The following TBCK variants were observed in gnomAD, a reference collection of about 807,000 sequenced individuals.
TBCK encodes the protein TBC domain-containing protein kinase-like protein.
In TBCK, 99 loss-of-function variants were observed where a neutral mutation model predicts 113.4. The observed-to-expected ratio is 0.87, with a 90% CI of 0.74 to 1.03. The LOEUF (loss-of-function observed/expected upper bound fraction) is 1.03, where lower values mean the gene tolerates loss of function less well. Ranked by LOEUF, TBCK falls within the 50% of genes least tolerant of loss-of-function variation. TBCK has a pLI of 0.00. For missense variants in TBCK, 1,045 were observed against 1,061.3 expected (o/e 0.98, Z 0.21); for synonymous variants, 369 against 370.8 (o/e 1.00, Z 0.05).
intron 3 of TBCK, among the ~76,000 whole-genome samples, chr4:106,283,910 T>C (rs533557132): frequency 6.6e-6 from 1 of 152,288 alleles, no homozygotes; most frequent in South Asian, 2.1e-4. Flanking sequence ...ATAGCCAAGC[T>C]GTTTGTTAGT....
At chr4:106,310,063 C>G (rs1458229852) in intron 1 of TBCK, 1 of 152,136 alleles carries the variant, frequency 6.6e-6, no homozygotes, top group East Asian at 1.9e-4. Context: ...AATCTTTTAC[C>G]CATGGACCTC....
chr4:106,070,746 G>C (rs939765131), intron 25 of TBCK, among the ~76,000 whole-genome samples: 1 of 152,110 alleles, frequency 6.6e-6, no homozygotes, highest in Non-Finnish European at 1.5e-5. Context: ...AATTCTGGTA[G>C]AATTGGGCTG....
At chr4:106,191,790 C>T (rs1226897956) in intron 22 of TBCK, among the ~76,000 whole-genome samples, 1 of 152,142 alleles carries the variant, frequency 6.6e-6, no homozygotes, top group African/African-American at 2.4e-5. Flanking sequence ...ATTGTACCAG[C>T]TGACACTACA....
intron 10 of TBCK, among the ~76,000 whole-genome samples, chr4:106,246,503 G>C (rs906122993): frequency 6.6e-6 from 1 of 151,974 alleles, no homozygotes; most frequent in Non-Finnish European, 1.5e-5. Context: ...TATTTTTAGA[G>C]ATCATTTATA....
At chr4:106,198,935 C>G (rs1375950093) in intron 20 of TBCK, among the ~76,000 whole-genome samples, 1 of 152,092 alleles carries the variant, frequency 6.6e-6, no homozygotes, top group African/African-American at 2.4e-5. Flanking sequence ...ATCATATTCT[C>G]TGCAGGAGAA....
At chr4:106,218,714 G>T (rs1172431905) in intron 19 of TBCK, among the ~76,000 whole-genome samples, 2 of 118,552 alleles carry the variant, frequency 1.7e-5, no homozygotes, top group African/African-American at 6.2e-5. Flanking sequence ...AAAAAGTCAG[G>T]AAACAACAGG....
intron 25 of TBCK, among the ~76,000 whole-genome samples, chr4:106,073,615 T>C (rs112130017): frequency 0.017 from 2,520 of 152,256 alleles, 30 homozygotes; most frequent in Middle Eastern, 0.027. Context: ...AGAGCTCAAA[T>C]ACCATGCTGG....
At chr4:106,180,376 TG>T (rs923394675) in intron 22 of TBCK, among the ~76,000 whole-genome samples, 32 of 152,032 alleles carry the variant, frequency 2.1e-4, no homozygotes, top group Admixed American at 9.8e-4. Context: ...TCTAGTAGTA[TG>T]TTTTTTTTCC....
At chr4:106,115,228 C>T (rs1044738220) in intron 24 of TBCK, among the ~76,000 whole-genome samples, 3 of 152,092 alleles carry the variant, frequency 2.0e-5, no homozygotes, top group Non-Finnish European at 4.4e-5. Context: ...CAAAATCAAA[C>T]TTTTTGAGCA....
intron 10 of TBCK, among the ~76,000 whole-genome samples, chr4:106,245,462 T>C (rs1003886949): frequency 6.6e-6 from 1 of 152,148 alleles, no homozygotes; most frequent in Non-Finnish European, 1.5e-5. Context: ...GGTTAAGGTA[T>C]GGGGAACAGA....
chr4:106,067,553 G>A (rs1736795396), intron 25 of TBCK, among the ~76,000 whole-genome samples: 1 of 152,066 alleles, frequency 6.6e-6, no homozygotes, highest in African/African-American at 2.4e-5. Context: ...GGTGTCATAT[G>A]TAAGAAACCA....
At chr4:106,119,116 G>A (rs368416059) in intron 23 of TBCK, among the ~76,000 whole-genome samples, 1 of 151,858 alleles carries the variant, frequency 6.6e-6, no homozygotes, top group Non-Finnish European at 1.5e-5. Context: ...CCACTTAGAG[G>A]CATAAAAGTA....
At chr4:106,248,507 TG>T (rs1044659846) in intron 8 of TBCK, among the ~76,000 whole-genome samples, 6 of 152,166 alleles carry the variant, frequency 3.9e-5, no homozygotes, top group African/African-American at 1.4e-4. Flanking sequence ...GGATCCCAAG[TG>T]TGTAAAATAA....
intron 3 of TBCK, among the ~76,000 whole-genome samples, chr4:106,284,797 C>T: frequency 6.6e-6 from 1 of 152,114 alleles, no homozygotes; most frequent in East Asian, 1.9e-4. Flanking sequence ...CTCATGCCTG[C>T]TTTGATAGCA....
intron 25 of TBCK, among the ~76,000 whole-genome samples, chr4:106,086,525 C>A (rs571189467): frequency 6.6e-6 from 1 of 152,320 alleles, no homozygotes; most frequent in East Asian, 1.9e-4. Flanking sequence ...TGGTACCATT[C>A]CTTCTGAAAC....
In TBCK at chr4:106,137,626, T is replaced by C. The variant is rs1449149597; in HGVS notation, c.2236-21248A>G. Among the ~76,000 whole-genome samples the C allele has an allele frequency of 1.4e-5, 2 of 141,064 alleles. 1 individual carries two copies. The highest frequency in any genetic ancestry group is 5.0e-5 in the African/African-American group (2 of 39,926). The allele number at this position is 141,064 out of a possible 152,430, so 92.5% of individuals were successfully genotyped here. On this transcript the variant is annotated intron_variant, in intron 23 of 25. Coordinates refer to ENST00000394708, the MANE Select transcript of TBCK (RefSeq NM_001163435.3). ...GTTTTAAATAGGAAGAGGTTTCTAT[T>C]CATAAAATTTAGAAATACAGCATCT...
chr4:106,162,445 C>A (rs990216692), intron 23 of TBCK, among the ~76,000 whole-genome samples: 4 of 152,154 alleles, frequency 2.6e-5, no homozygotes, highest in Admixed American at 6.5e-5. Flanking sequence ...CACTGCTCCA[C>A]TAGGCAGTGC....
chr4:106,224,073 G>A (rs1757977502), intron 19 of TBCK, among the ~76,000 whole-genome samples: 1 of 151,842 alleles, frequency 6.6e-6, no homozygotes, highest in South Asian at 2.1e-4. Flanking sequence ...TAGTACAAAC[G>A]ATAATAAGAA....
Position 106,242,483 on chromosome 4 carries a change from C to T in TBCK, c.1157G>A (p.Cys386Tyr), listed in dbSNP as rs1327277115. 1.2e-6 allele frequency: 2 copies of T among 1,602,136 alleles called. No individual in the cohort carries two copies. Among genetic ancestry groups the T allele is most frequent in the Non-Finnish European group, 1.7e-6 (2 of 1,174,702 alleles). The change falls in exon 12 of 26, where the codon TGC (cysteine) becomes TAC (tyrosine). Residue 386 changes from cysteine (C) to tyrosine (Y), a missense_variant. Cys to Tyr is a radical substitution (Grantham distance 194, BLOSUM62 -2). Transcript: ENST00000394708. Reference protein sequence around the residue: ...LDDTTVTLSLCQLRNRLKDVG... With the variant: ...LDDTTVTLSLYQLRNRLKDVG... ...TATCTTTCTTACATTTCTTAGCTGG[C>T]ATAACGACAATGTCACAGTGGTATC...
Sources: gnomAD v4.1 joint callset for allele counts (sites outside exome capture counted in the v4.1 genomes callset) on GRCh38, gnomAD v4.1.1 for gene constraint, MANE v1.5 for transcripts, NCBI Gene and HGNC (gene_info 2026-07-23, HGNC 2026-07-21) for gene names.